The following PCDHGB1 variants were observed in gnomAD, a reference collection of about 807,000 sequenced individuals.
PCDHGB1 encodes protocadherin gamma-B1.
PCDHGB1 carries 34 observed loss-of-function variants against 56.6 expected under a neutral mutation model. The observed-to-expected ratio is 0.60, with a 90% CI of 0.46 to 0.80. The LOEUF (loss-of-function observed/expected upper bound fraction) is 0.80, where lower values mean the gene tolerates loss of function less well. Among genes scored for constraint, PCDHGB1 ranks in the 30% least tolerant of loss-of-function variants. The pLI, the probability that PCDHGB1 is intolerant of heterozygous loss-of-function variation, is 0.00. For missense variants in PCDHGB1, 1,278 were observed against 1,204.6 expected (o/e 1.06, Z -0.90); for synonymous variants, 561 against 505.9 (o/e 1.11, Z -1.46).
In PCDHGB1 at chr5:141,511,352, C is replaced by A. The variant is rs2099883742; in HGVS notation, c.*179C>A. The A allele has an allele frequency of 3.6e-6, 5 of 1,381,248 alleles. No homozygotes were observed. The highest frequency in any genetic ancestry group is 2.7e-4 in the Middle Eastern group (1 of 3,772). 85.6% of individuals were successfully genotyped at this position (1,381,248 alleles called of 1,614,324 possible). ...CAGTCAGCACCTACCCCTTCCCCCCCAGGGGGTTGAATATGCAAAAGCAGT... is the reference window on the plus strand; with the variant it reads ...CAGTCAGCACCTACCCCTTCCCCCCAAGGGGGTTGAATATGCAAAAGCAGT... On this transcript the variant is annotated 3_prime_UTR_variant, in exon 4 of 4. Coordinates refer to ENST00000523390, the MANE Select transcript of PCDHGB1 (RefSeq NM_018922.3).
Position 141,352,640 on chromosome 5 carries a change from A to G in PCDHGB1, c.2380A>G (p.Ile794Val). The G allele has an allele frequency of 6.2e-7, 1 of 1,608,046 alleles. No individual in the cohort carries two copies. Among genetic ancestry groups the G allele is most frequent in the Non-Finnish European group, 8.5e-7 (1 of 1,176,792 alleles). Residue 794 changes from isoleucine (I) to valine (V), a missense_variant, in exon 1 of 4, where the codon ATC (isoleucine) becomes GTC (valine). Coordinates refer to ENST00000523390, the MANE Select transcript of PCDHGB1 (RefSeq NM_018922.3). ...VVCASNEDHK[I>V]AYDPSLSSHQ... ...ATGTGCCAGTAATGAAGATCACAAA[A>G]TCGCTTATGACCCTTCTTTGTCTTC... is the stretch of plus-strand genomic sequence containing the variant.
In PCDHGB1 at chr5:141,485,076, G is replaced by A; in HGVS notation, c.2410-9731G>A. 2.1e-6 allele frequency: 2 copies of A among 944,586 alleles called. No homozygotes were observed. Among genetic ancestry groups the A allele is most frequent in the East Asian group, 2.4e-5 (1 of 41,508 alleles). The allele number at this position is 944,586 out of a possible 1,614,324, so 58.5% of individuals were successfully genotyped here. ...CCGAACCGCGCCAGAGCTGGCGCGG[G>A]GAAAGGGAGATAGGTGTCTCCAGCT... On this transcript the variant is annotated intron_variant, in intron 1 of 3. Coordinates refer to ENST00000523390, the MANE Select transcript of PCDHGB1 (RefSeq NM_018922.3). This position sits in a 1 kb window ranked among gnomAD's most constrained non-coding sequence, Gnocchi z 5.7.
intron 1 of PCDHGB1, chr5:141,356,283 C>T: frequency 1.3e-6 from 2 of 1,557,262 alleles, no homozygotes; most frequent in Non-Finnish European, 1.7e-6. Flanking sequence ...AATCTTCTTC[C>T]CCGGGTACAG....
chr5:141,475,388 G>C (rs1230010845), intron 1 of PCDHGB1, among the ~76,000 whole-genome samples: 8 of 152,170 alleles, frequency 5.3e-5, no homozygotes, highest in Non-Finnish European at 1.0e-4. Flanking sequence ...AATTTTATAA[G>C]CCAGAGTTAA....
intron 1 of PCDHGB1, among the ~76,000 whole-genome samples, chr5:141,369,109 A>G (rs1037761317): frequency 1.3e-5 from 2 of 152,176 alleles, no homozygotes; most frequent in African/African-American, 4.8e-5. Flanking sequence ...TGGAATTAAA[A>G]CTGTAAGACA....
chr5:141,375,876 C>T, intron 1 of PCDHGB1: 1 of 1,613,848 alleles, frequency 6.2e-7, no homozygotes, highest in Non-Finnish European at 8.5e-7. Context: ...GACAGAGACT[C>T]GGGCCAGAAC....
At position 141,511,393 on chromosome 5, in the gene PCDHGB1, C is replaced by G. The variant is rs1257680621; in HGVS notation, c.*220C>G. The G allele has an allele frequency of 2.8e-6, 3 of 1,067,816 alleles. No individual in the cohort carries two copies. The highest frequency in any genetic ancestry group is 3.9e-6 in the Non-Finnish European group (3 of 764,518). The allele number at this position is 1,067,816 out of a possible 1,614,324, so 66.1% of individuals were successfully genotyped here. A position where few individuals can be genotyped will look rare whatever the true frequency, so the allele number is the denominator to read the frequency against. On this transcript the variant is annotated 3_prime_UTR_variant, in exon 4 of 4. Coordinates refer to ENST00000523390, the MANE Select transcript of PCDHGB1 (RefSeq NM_018922.3). ...CAAAAGCAGTTCCGCTGGGAACCCC[C>G]ATCCAATCAACTGCTGTACCCATGG...
intron 1 of PCDHGB1, 88 bp from the exon 2 acceptor site, chr5:141,494,719 C>T: frequency 6.2e-7 from 1 of 1,605,960 alleles, no homozygotes; most frequent in Non-Finnish European, 8.5e-7. Flanking sequence ...CCACTCCCCT[C>T]CTTCTCTCCC....
chr5:141,371,562 T>G, intron 1 of PCDHGB1: 1 of 1,613,852 alleles, frequency 6.2e-7, no homozygotes, highest in Non-Finnish European at 8.5e-7. Context: ...AAAAGGAAAC[T>G]TCCCCTTTAA....
In PCDHGB1 at chr5:141,432,413, G is replaced by A; in HGVS notation, c.2410-62394G>A. 1.2e-6 allele frequency: 2 copies of A among 1,614,232 alleles called. No homozygotes were observed. The highest frequency in any genetic ancestry group is 2.2e-5 in the South Asian group (2 of 91,082). Reference sequence around the variant, plus strand: ...CAGCAACGTGTCGTTGAGCCTGTTCGTGCTGGACCAGAACGACAATGCGCC... The same window carrying A: ...CAGCAACGTGTCGTTGAGCCTGTTCATGCTGGACCAGAACGACAATGCGCC... On this transcript the variant is annotated intron_variant, in intron 1 of 3. Coordinates refer to ENST00000523390, the MANE Select transcript of PCDHGB1 (RefSeq NM_018922.3). The surrounding 1 kb of genome is among the most constrained non-coding windows in gnomAD (Gnocchi z 6.0).
At position 141,362,424 on chromosome 5, in the gene PCDHGB1, AG is replaced by A. The variant is rs764699522; in HGVS notation, c.2409+9756del. On this transcript the variant is annotated intron_variant, in intron 1 of 3. Coordinates refer to ENST00000523390, the MANE Select transcript of PCDHGB1 (RefSeq NM_018922.3). ...GTGTTGCCTCACAATCAGCCAAGAC[AG>A]AGTTCAATTTTCTGAACATAACCCC... 14 of 1,613,916 alleles carry A rather than the reference AG, an allele frequency of 8.7e-6. No homozygotes were observed. The African/African-American group carries it at 1.7e-4, about 20-fold the overall frequency.
intron 1 of PCDHGB1, chr5:141,413,907 G>C (rs745956130): frequency 6.2e-7 from 1 of 1,613,270 alleles, no homozygotes; most frequent in Non-Finnish European, 8.5e-7. Context: ...ACAACGCGCC[G>C]GTCTTCACCT....
At position 141,502,349 on chromosome 5, in the gene PCDHGB1, T is replaced by C. The variant is rs369766657; in HGVS notation, c.2469-3044T>C. 1.3e-3 allele frequency among the ~76,000 whole-genome samples: 200 copies of C among 152,292 alleles called. 3 individuals carry two copies. In the South Asian group the frequency reaches 0.034, roughly 26 times the overall value. On this transcript the variant is annotated intron_variant, in intron 2 of 3. Transcript: ENST00000523390. ...GCTCCCAGTCTTTTTATTTTTTTAA[T>C]GACATGGATATTTTTAAAGAGTCCA...
intron 1 of PCDHGB1, chr5:141,377,801 T>C (rs1439596981): frequency 1.3e-5 from 2 of 152,176 alleles, no homozygotes; most frequent in African/African-American, 2.4e-5. Context: ...CCTGTAACTA[T>C]CTGTTATTTA....
rs2233603 is a variant in PCDHGB1 at position 141,490,063 on chromosome 5, G to A, written c.2410-4744G>A. 1,259 of 1,614,208 alleles carry A rather than the reference G, an allele frequency of 7.8e-4. 6 individuals carry two copies. The African/African-American group carries it at 0.013, about 16-fold the overall frequency. On this transcript the variant is annotated intron_variant, in intron 1 of 3. Transcript: ENST00000523390. The surrounding 1 kb of genome is among the most constrained non-coding windows in gnomAD (Gnocchi z 5.4). ...CACTGATCCAGACGAGGGCACCAAC[G>A]GCCAACTAGACTATTCTTTTGGAGA...
At chr5:141,467,564 G>A (rs926613546) in intron 1 of PCDHGB1, among the ~76,000 whole-genome samples, 5 of 152,152 alleles carry the variant, frequency 3.3e-5, no homozygotes, top group Admixed American at 3.3e-4. Flanking sequence ...TTCCCAAATG[G>A]CTATCCAGTT....
At chr5:141,506,188 C>A (rs925159785) in intron 3 of PCDHGB1, among the ~76,000 whole-genome samples, 1 of 152,058 alleles carries the variant, frequency 6.6e-6, no homozygotes, top group Non-Finnish European at 1.5e-5. Flanking sequence ...TGGTGGCTCA[C>A]GCCTGTAATC....
chr5:141,484,121 C>A (rs1451102473), intron 1 of PCDHGB1, among the ~76,000 whole-genome samples: 1 of 152,152 alleles, frequency 6.6e-6, no homozygotes, highest in African/African-American at 2.4e-5. Context: ...TCAAGAATAC[C>A]TTGGTGTCAG....
intron 1 of PCDHGB1, chr5:141,408,072 T>G (rs1047187961): frequency 1.7e-5 from 24 of 1,388,622 alleles, no homozygotes; most frequent in Middle Eastern, 2.6e-4. Flanking sequence ...CGCAGACCTT[T>G]CCCAGCACAG....
Sources: gnomAD v4.1 joint callset for allele counts (sites outside exome capture counted in the v4.1 genomes callset) on GRCh38, gnomAD v4.1.1 for gene constraint, Gnocchi (gnomAD v3.1) non-coding constraint, MANE v1.5 for transcripts, NCBI Gene and HGNC (gene_info 2026-07-23, HGNC 2026-07-21) for gene names.